STK31: variants seen among roughly 807,000 people sequenced by gnomAD.
STK31 encodes serine/threonine kinase 31.
Under a neutral mutation model 129.7 loss-of-function variants are expected in STK31, and 89 were observed. The ratio of observed to expected loss-of-function variants is 0.69; its 90% CI spans 0.58 to 0.82. The LOEUF (loss-of-function observed/expected upper bound fraction) is 0.82, where lower values mean the gene tolerates loss of function less well. STK31 is among the 40% of genes least tolerant of loss of function. The pLI is 0.00. For missense variants in STK31, 1,187 were observed against 1,176.4 expected (o/e 1.01, Z -0.13); for synonymous variants, 448 against 395.3 (o/e 1.13, Z -1.58).
chr7:23,798,661 A>G (rs1371239904), intron 22 of STK31, among the ~76,000 whole-genome samples: 1 of 152,180 alleles, frequency 6.6e-6, no homozygotes, highest in Non-Finnish European at 1.5e-5. Flanking sequence ...ATGGGCAAAA[A>G]CTGGAAGCAT....
intron 22 of STK31, among the ~76,000 whole-genome samples, chr7:23,796,996 A>G (rs10255699): frequency 0.38 from 56,995 of 151,856 alleles, 10,881 homozygotes; most frequent in Middle Eastern, 0.44. Flanking sequence ...TTTAACCAAC[A>G]AAGATCAAGA....
At position 23,735,730 on chromosome 7, in the gene STK31, T is replaced by C. The variant is rs763469200; in HGVS notation, c.676T>C (p.Leu226=). 48 of 1,613,984 alleles carry C rather than the reference T, an allele frequency of 3.0e-5. No individual in the cohort carries two copies. Among genetic ancestry groups the C allele is most frequent in the African/African-American group, 2.1e-4 (16 of 75,006 alleles). Residue 226 remains leucine, a synonymous_variant, in exon 7 of 24, where the codon TTG becomes CTG. Coordinates refer to ENST00000355870, the MANE Select transcript of STK31 (RefSeq NM_031414.5). ...SRTDICEEKK[L]DPGQLVLRNL... ...AACTGACATCTGTGAGGAAAAAAAA[T>C]TGGATCCTGGTCAACTTGTTCTCAG...
At chr7:23,745,995 C>G (rs1788327454) in intron 8 of STK31, among the ~76,000 whole-genome samples, 1 of 152,238 alleles carries the variant, frequency 6.6e-6, no homozygotes, top group African/African-American at 2.4e-5. Context: ...GCCAGTGGCT[C>G]CTACCTCTTC....
intron 6 of STK31, among the ~76,000 whole-genome samples, chr7:23,732,154 C>A (rs1237734445): frequency 6.6e-6 from 1 of 151,354 alleles, no homozygotes; most frequent in Non-Finnish European, 1.5e-5. Flanking sequence ...ATAAAAAATA[C>A]AAAAAAATTA....
chr7:23,732,197 G>A (rs1349287412), intron 6 of STK31, among the ~76,000 whole-genome samples: 4 of 151,900 alleles, frequency 2.6e-5, no homozygotes, highest in East Asian at 1.9e-4. Context: ...TGTAGTCCCC[G>A]CTACTCAGGA....
intron 5 of STK31, among the ~76,000 whole-genome samples, chr7:23,728,072 C>CTTTTTTTTTTTTTTTTTTTTTTT (rs56355518): frequency 1.5e-5 from 1 of 68,290 alleles, no homozygotes; most frequent in African/African-American, 6.5e-5. Context: ...TTGTGTTAAG[C>CTTTTTTTTTTTTTTTTTTTTTTT]TTTTTTTTTT....
intron 3 of STK31, among the ~76,000 whole-genome samples, chr7:23,714,127 A>G (rs900502211): frequency 8.5e-5 from 13 of 152,148 alleles, no homozygotes; most frequent in East Asian, 1.9e-4. Context: ...TTTGACCACA[A>G]TGTCACTATG....
chr7:23,722,948 G>C (rs914855418), intron 4 of STK31: 7 of 152,202 alleles, frequency 4.6e-5, no homozygotes, highest in Admixed American at 2.6e-4. Flanking sequence ...TGCAGTATTA[G>C]GGTGAGAGTG....
chr7:23,772,301 C>G (rs1279838715), intron 15 of STK31, 23 bp downstream of exon 15: 1 of 1,594,586 alleles, frequency 6.3e-7, no homozygotes, highest in Non-Finnish European at 8.5e-7. Flanking sequence ...TTGTTTCTTA[C>G]TGATCTTTAT....
intron 4 of STK31, among the ~76,000 whole-genome samples, chr7:23,720,099 G>T (rs1786601362): frequency 6.6e-6 from 1 of 152,102 alleles, no homozygotes; most frequent in South Asian, 2.1e-4. Flanking sequence ...CTACAATAAA[G>T]CTCAAATGAT....
rs746399812 is a variant in STK31 at position 23,769,046 on chromosome 7, A to G, written c.1468A>G (p.Asn490Asp). ...AVYGQAKEGA[N>D]SDEILKKFYD... is the part of the protein sequence containing the mutation. ...GTATGGACAAGCCAAAGAAGGAGCA[A>G]ATTCTGATGAAATACTTAAAAAATT... The change falls in exon 12 of 24, where the codon AAT (asparagine) becomes GAT (aspartate). Residue 490 changes from asparagine to aspartate, a missense_variant. By Grantham distance (23) the Asn-to-Asp change is conservative. This residue lies in a region of STK31 where 975 missense variants were observed against 934.9 expected (regional missense o/e 1.04). Coordinates refer to ENST00000355870, the MANE Select transcript of STK31 (RefSeq NM_031414.5). The G allele has an allele frequency of 6.2e-7, 1 of 1,612,978 alleles. No individual in the cohort carries two copies. The highest frequency in any genetic ancestry group is 1.3e-5 in the African/African-American group (1 of 74,874).
In STK31 at chr7:23,727,328, G is replaced by C; in HGVS notation, c.324+13G>C. ...CAGCGTTGAAAAGGCAGGAAATTAA[G>C]TGTTCAGTTTTTTTTTGCTTTAAGA... On this transcript the variant is annotated intron_variant, in intron 5 of 23. Transcript: ENST00000355870. 6.2e-7 allele frequency: 1 copy of C among 1,612,048 alleles called. No individual in the cohort carries two copies. Among genetic ancestry groups the C allele is most frequent in the South Asian group, 1.1e-5 (1 of 90,942 alleles).
intron 18 of STK31, 54 bp from the exon 19 acceptor site, chr7:23,786,454 A>C: frequency 6.5e-7 from 1 of 1,541,654 alleles, no homozygotes; most frequent in Non-Finnish European, 8.7e-7. Context: ...ATGATGTATA[A>C]TTATAATGAG....
rs1032054029 is a variant in STK31, at chr7:23,807,585, T to G, written c.2761-7559T>G. On this transcript the variant is annotated intron_variant, in intron 22 of 23. Transcript: ENST00000355870. ...TCTTCAGCCTGTGGGCTTATGTTTT[T>G]CAACAAATGTGGGAAGTTCAGCAAT... Among the ~76,000 whole-genome samples the G allele has an allele frequency of 2.0e-5, 3 of 152,292 alleles. No homozygotes were observed. The South Asian group carries it at 6.2e-4, about 32-fold the overall frequency.
At chr7:23,810,740 A>AT (rs1562623340) in intron 22 of STK31, among the ~76,000 whole-genome samples, 6 of 132,504 alleles carry the variant, frequency 4.5e-5, no homozygotes, top group South Asian at 2.2e-4. Context: ...AGATATATAT[A>AT]AAATAGATAT....
At chr7:23,768,916 A>G (rs1789996500) in intron 11 of STK31, 79 bp from the exon 12 acceptor site, 3 of 1,165,680 alleles carry the variant, frequency 2.6e-6, no homozygotes, top group South Asian at 5.3e-5. Flanking sequence ...CTGCTTTTCT[A>G]CCCCTTAGAT....
chr7:23,814,108 T>C (rs897189024), intron 22 of STK31, among the ~76,000 whole-genome samples: 2 of 147,408 alleles, frequency 1.4e-5, no homozygotes, highest in Admixed American at 7.2e-5. Flanking sequence ...TGCTTTCTGT[T>C]GCAGGCTTAG....
chr7:23,832,005 A>C (rs1794580308), intron 23 of STK31, 131 bp from the exon 24 acceptor site: 1 of 641,866 alleles, frequency 1.6e-6, no homozygotes, highest in African/African-American at 1.8e-5. Flanking sequence ...GGGGAGTACC[A>C]GATACCTCGT....
At chr7:23,741,893 T>C (rs1788075542) in intron 8 of STK31, among the ~76,000 whole-genome samples, 1 of 152,220 alleles carries the variant, frequency 6.6e-6, no homozygotes, top group Admixed American at 6.5e-5. Flanking sequence ...TGCAGTCATG[T>C]CAGCCTAAAG....
Sources: gnomAD v4.1 joint callset for allele counts (sites outside exome capture counted in the v4.1 genomes callset) on GRCh38, gnomAD v4.1.1 for gene constraint, gnomAD v4.1.1 regional missense constraint, MANE v1.5 for transcripts, NCBI Gene and HGNC (gene_info 2026-07-23, HGNC 2026-07-21) for gene names.